SLC4A3: variants seen among roughly 807,000 people sequenced by gnomAD.
The protein encoded by SLC4A3 is solute carrier family 4 member 3, also known as anion exchange protein 3.
A neutral mutation model predicts 114.2 loss-of-function variants in SLC4A3; 47 were observed. That is an observed-to-expected ratio of 0.41 (90% confidence interval 0.33 to 0.52). SLC4A3 has a LOEUF of 0.52. SLC4A3 is among the 20% of genes least tolerant of loss of function. The probability of loss-of-function intolerance (pLI) is 0.21; values close to 1 mark genes in which losing one functional copy is unlikely to be tolerated. For synonymous variants in SLC4A3, 693 were observed against 710.3 expected, an observed-to-expected ratio of 0.98 and a Z score of 0.39; for missense variants, 1,312 against 1,668.3, an observed-to-expected ratio of 0.79 and a Z score of 3.72.
Position 219,629,233 on chromosome 2 carries a change from G to T in SLC4A3, c.307G>T (p.Ala103Ser). 1 of 1,613,572 alleles carries T rather than the reference G, an allele frequency of 6.2e-7. No individual in the cohort carries two copies. The highest frequency in any genetic ancestry group is 8.5e-7 in the Non-Finnish European group (1 of 1,179,912). Residue 103 changes from alanine (A) to serine (S), a missense_variant, in exon 4 of 23, where the codon GCC becomes TCC. Around this residue, in one of 4 missense-constraint regions of SLC4A3, gnomAD observed 236 missense variants for 212.1 expected, o/e 1.11. Coordinates refer to ENST00000358055, the MANE Select transcript of SLC4A3 (RefSeq NM_005070.4). ...HKLRRLPPTSARHTRRKRKKE... is the reference protein window; with the variant it reads ...HKLRRLPPTSSRHTRRKRKKE... Reference sequence around the variant, plus strand: ...GCTGCGGCGGCTGCCCCCCACCTCTGCCCGGCACACCAGGAGAAAGAGGAA... The same window carrying T: ...GCTGCGGCGGCTGCCCCCCACCTCTTCCCGGCACACCAGGAGAAAGAGGAA...
At chr2:219,640,305 C>G (rs1699280569) in intron 20 of SLC4A3, 125 bp from the exon 21 acceptor site, 1 of 1,093,530 alleles carries the variant, frequency 9.1e-7, no homozygotes, top group Non-Finnish European at 1.3e-6. Flanking sequence ...GTCGCCTCCC[C>G]CCAGGCCTCT....
rs570256411 is a variant in SLC4A3 at position 219,636,007 on chromosome 2, T to C, written c.2191+116T>C. ...ACATTAGGGGGCCAATGGTTAGATGTGCTAGCAAAGGTGTAAGCACCTTAC... is the reference window on the plus strand; with the variant it reads ...ACATTAGGGGGCCAATGGTTAGATGCGCTAGCAAAGGTGTAAGCACCTTAC... On this transcript the variant is annotated intron_variant, in intron 14 of 22. Coordinates refer to ENST00000358055, the MANE Select transcript of SLC4A3 (RefSeq NM_005070.4). This position sits in a 1 kb window ranked among gnomAD's most constrained non-coding sequence, Gnocchi z 5.5. 152 of 851,296 alleles carry C rather than the reference T, an allele frequency of 1.8e-4. 2 individuals are homozygous for C. In the African/African-American group the frequency reaches 2.3e-3, roughly 13 times the overall value. The allele number at this position is 851,296 out of a possible 1,614,324, so 52.7% of individuals were successfully genotyped here.
chr2:219,631,140 C>T lies in SLC4A3; in HGVS notation c.811+788C>T. Reference sequence around the variant, plus strand: ...GGTCGGGAGGCTGTGCCACCTTCAGCTCTGGTTGGACAGAAGCCACCCCGT... The same window carrying T: ...GGTCGGGAGGCTGTGCCACCTTCAGTTCTGGTTGGACAGAAGCCACCCCGT... On this transcript the variant is annotated intron_variant, in intron 6 of 22. Coordinates refer to ENST00000358055, the MANE Select transcript of SLC4A3 (RefSeq NM_005070.4). This position sits in a 1 kb window ranked among gnomAD's most constrained non-coding sequence, Gnocchi z 6.3. 1 of 1,174,280 alleles carries T rather than the reference C, an allele frequency of 8.5e-7. No homozygotes were observed. 72.7% of individuals were successfully genotyped at this position (1,174,280 alleles called of 1,614,324 possible).
In SLC4A3 at chr2:219,627,883, C is replaced by T. The variant is rs1698770692; in HGVS notation, c.-93-17C>T. The T allele has an allele frequency of 8.1e-6, 7 of 862,278 alleles. No individual in the cohort carries two copies. The highest frequency in any genetic ancestry group is 1.3e-5 in the Non-Finnish European group (7 of 555,312). The allele number at this position is 862,278 out of a possible 1,614,324, so 53.4% of individuals were successfully genotyped here. ...GGGCGCCAGCGCAAGGAACCTGACC[C>T]CGCCCTCCTCCCCCAGGGCTCCCCG... On this transcript the variant is annotated splice_polypyrimidine_tract_variant and intron_variant, in intron 1 of 22. Coordinates refer to ENST00000358055, the MANE Select transcript of SLC4A3 (RefSeq NM_005070.4).
At chr2:219,634,346 C>T in intron 11 of SLC4A3, 74 bp from the exon 12 acceptor site, 1 of 1,476,256 alleles carries the variant, frequency 6.8e-7, no homozygotes, top group Non-Finnish European at 9.4e-7. Context: ...CCATGATAGC[C>T]CTAGATAGCT....
chr2:219,633,792 C>T (rs1699024218), intron 10 of SLC4A3, 88 bp from the exon 11 acceptor site: 18 of 1,534,720 alleles, frequency 1.2e-5, no homozygotes, highest in East Asian at 2.5e-5. Context: ...AGAAGCAGGT[C>T]TCAGAGCCAG....
chr2:219,638,976 T>C lies in SLC4A3; in HGVS notation c.3023+107T>C. On this transcript the variant is annotated intron_variant, in intron 19 of 22. Transcript: ENST00000358055. The surrounding 1 kb of genome is among the most constrained non-coding windows in gnomAD (Gnocchi z 7.5). Reference sequence around the variant, plus strand: ...GACATCATTATCAGTATCAGGGTGCTGGGTGGTGGGAGCTGGTGGCAATCC... The same window carrying C: ...GACATCATTATCAGTATCAGGGTGCCGGGTGGTGGGAGCTGGTGGCAATCC... The C allele has an allele frequency of 8.0e-7, 1 of 1,256,308 alleles. No homozygotes were observed. Among genetic ancestry groups the C allele is most frequent in the South Asian group, 1.3e-5 (1 of 78,018 alleles). The allele number at this position is 1,256,308 out of a possible 1,614,324, so 77.8% of individuals were successfully genotyped here.
chr2:219,635,759 C>G lies in SLC4A3; in HGVS notation c.2059C>G (p.Arg687Gly), dbSNP rs779074122. ...RTGSVFGGLV[R>G]DVRRRYPHYP... ...GGGCTCGGTATTTGGGGGGCTTGTGCGGGATGTGAGGCGCCGGTACCCGCA... is the reference window on the plus strand; with the variant it reads ...GGGCTCGGTATTTGGGGGGCTTGTGGGGGATGTGAGGCGCCGGTACCCGCA... The change falls in exon 14 of 23, where the codon CGG (arginine) becomes GGG (glycine). Residue 687 changes from arginine to glycine, a missense_variant. Transcript: ENST00000358055. The G allele has an allele frequency of 1.3e-6, 2 of 1,594,488 alleles. No homozygotes were observed. The highest frequency in any genetic ancestry group is 2.7e-5 in the African/African-American group (2 of 73,964).
Position 219,638,348 on chromosome 2 carries a change from G to A in SLC4A3, c.2856+95G>A. The A allele has an allele frequency of 1.9e-6, 2 of 1,046,912 alleles. No individual in the cohort carries two copies. The highest frequency in any genetic ancestry group is 2.9e-6 in the Non-Finnish European group (2 of 697,962). 64.9% of individuals were successfully genotyped at this position (1,046,912 alleles called of 1,614,324 possible). A position where few individuals can be genotyped will look rare whatever the true frequency, so the allele number is the denominator to read the frequency against. On this transcript the variant is annotated intron_variant, in intron 18 of 22. Transcript: ENST00000358055. The surrounding 1 kb of genome is among the most constrained non-coding windows in gnomAD (Gnocchi z 7.5). Reference sequence around the variant, plus strand: ...CCATGGGCCCTGGGATTGGGATCAGGCCTGAACTCAACTTTCCCAGTGGAG... The same window carrying A: ...CCATGGGCCCTGGGATTGGGATCAGACCTGAACTCAACTTTCCCAGTGGAG...
Position 219,628,867 on chromosome 2 carries a change from C to T in SLC4A3, c.218-277C>T, listed in dbSNP as rs1698815631. On this transcript the variant is annotated intron_variant, in intron 3 of 22. Coordinates refer to ENST00000358055, the MANE Select transcript of SLC4A3 (RefSeq NM_005070.4). The surrounding 1 kb of genome is among the most constrained non-coding windows in gnomAD (Gnocchi z 4.8). ...CCCCACTCACTCCCTCCTTGTCCCA[C>T]CTCGGCTAGTCCAACTCCGCCTTTC... 3.4e-6 allele frequency: 2 copies of T among 583,446 alleles called. No homozygotes were observed. The highest frequency in any genetic ancestry group is 6.4e-5 in the Admixed American group (2 of 31,208). 36.1% of individuals were successfully genotyped at this position (583,446 alleles called of 1,614,324 possible). A position where few individuals can be genotyped will look rare whatever the true frequency, so the allele number is the denominator to read the frequency against.
Position 219,628,999 on chromosome 2 carries a change from G to A in SLC4A3, c.218-145G>A. 3 of 965,606 alleles carry A rather than the reference G, an allele frequency of 3.1e-6. No homozygotes were observed. The highest frequency in any genetic ancestry group is 4.4e-6 in the Non-Finnish European group (3 of 674,272). The allele number at this position is 965,606 out of a possible 1,614,324, so 59.8% of individuals were successfully genotyped here. ...AGACCTCATCAATGACAGGCACGTG[G>A]ACACAGGTGTTGGGGGGTCATGGCC... is the stretch of plus-strand genomic sequence containing the variant. On this transcript the variant is annotated intron_variant, in intron 3 of 22. Coordinates refer to ENST00000358055, the MANE Select transcript of SLC4A3 (RefSeq NM_005070.4). This position sits in a 1 kb window ranked among gnomAD's most constrained non-coding sequence, Gnocchi z 4.8.
rs1486838266 is a variant in SLC4A3 at position 219,637,919 on chromosome 2, A to G, written c.2766+108A>G. 8 of 880,572 alleles carry G rather than the reference A, an allele frequency of 9.1e-6. No homozygotes were observed. Among genetic ancestry groups the G allele is most frequent in the Non-Finnish European group, 1.5e-5 (8 of 548,204 alleles). 54.5% of individuals were successfully genotyped at this position (880,572 alleles called of 1,614,324 possible). On this transcript the variant is annotated intron_variant, in intron 17 of 22. Transcript: ENST00000358055. This position sits in a 1 kb window ranked among gnomAD's most constrained non-coding sequence, Gnocchi z 4.6. The stretch of plus-strand genomic sequence containing the variant: ...CCGGTCAGCCCATGGACCAAAACCC[A>G]GCTCGGGCAGCCCCTCACCCCTTCG...
chr2:219,634,696 G>T, intron 12 of SLC4A3, 92 bp downstream of exon 12: 2 of 1,366,890 alleles, frequency 1.5e-6, no homozygotes, highest in Middle Eastern at 2.5e-4. Flanking sequence ...AGAGGCAAGG[G>T]TGCTAGAGGC....
chr2:219,629,744 G>A (rs762038248), intron 5 of SLC4A3, 49 bp downstream of exon 5: 3 of 1,320,892 alleles, frequency 2.3e-6, no homozygotes, highest in South Asian at 1.3e-5. Flanking sequence ...GAGCCACAGG[G>A]TCCAGAGCTC....
chr2:219,632,785 C>G (rs138505488), intron 8 of SLC4A3, 89 bp from the exon 9 acceptor site: 14 of 1,542,882 alleles, frequency 9.1e-6, no homozygotes, highest in Non-Finnish European at 9.8e-6. Context: ...CCAGCACATT[C>G]GCATGCTTTT....
intron 9 of SLC4A3, 115 bp from the exon 10 acceptor site, chr2:219,633,158 AG>A: frequency 7.2e-7 from 1 of 1,388,684 alleles, no homozygotes; most frequent in Non-Finnish European, 9.9e-7. Context: ...ATCATTATAA[AG>A]TTTCTTTTTA....
At chr2:219,629,559 G>A (rs368575854) in intron 4 of SLC4A3, 21 bp from the exon 5 acceptor site, 15 of 1,600,024 alleles carry the variant, frequency 9.4e-6, no homozygotes, top group Non-Finnish European at 1.3e-5. Context: ...CAAGGCCCCA[G>A]GGCACATTCT....
intron 4 of SLC4A3, 37 bp from the exon 5 acceptor site, chr2:219,629,543 T>A: frequency 6.3e-7 from 1 of 1,588,198 alleles, no homozygotes; most frequent in East Asian, 2.2e-5. Flanking sequence ...GTATGGTAGG[T>A]CGGGGCAAGG....
At position 219,636,692 on chromosome 2, in the gene SLC4A3, C is replaced by T. The variant is rs1338825385; in HGVS notation, c.2353C>T (p.Gln785Ter). Residue 785 changes from glutamine (Q) to a stop codon, truncating the protein, a stop_gained, in exon 16 of 23, where the codon CAG (glutamine) becomes TAG (stop). Coordinates refer to ENST00000358055, the MANE Select transcript of SLC4A3 (RefSeq NM_005070.4). LOFTEE classifies it high-confidence loss of function. The surrounding 1 kb of genome is among the most constrained non-coding windows in gnomAD (Gnocchi z 5.5). ...EEAFFKFCRAQDLEYLTGRVW... is the reference protein window; with the variant it reads ...EEAFFKFCRA ...TACCCCCACCTAGTTCTGCCGAGCCCAGGACCTGGAGTACCTCACTGGCCG... is the reference window on the plus strand; with the variant it reads ...TACCCCCACCTAGTTCTGCCGAGCCTAGGACCTGGAGTACCTCACTGGCCG... The T allele has an allele frequency of 6.2e-7, 1 of 1,613,716 alleles. No individual in the cohort carries two copies. The highest frequency in any genetic ancestry group is 8.5e-7 in the Non-Finnish European group (1 of 1,179,796).
Sources: allele counts gnomAD v4.1 joint callset, GRCh38; gene constraint gnomAD v4.1.1; regional missense constraint gnomAD v4.1.1; non-coding constraint Gnocchi (gnomAD v3.1); transcripts MANE v1.5; gene names NCBI Gene and HGNC (gene_info 2026-07-23, HGNC 2026-07-21).